The following SELENOO variants were observed in gnomAD, a reference collection of about 807,000 sequenced individuals.
SELENOO encodes the protein selenoprotein O.
SELENOO carries 74 observed loss-of-function variants against 58.7 expected under a neutral mutation model. The observed-to-expected ratio is 1.26, with a 90% CI of 1.04 to 1.53. The LOEUF (loss-of-function observed/expected upper bound fraction) is 1.53. Among genes scored for constraint, SELENOO ranks in the 40% most tolerant of loss-of-function variants. The pLI, the probability that SELENOO is intolerant of heterozygous loss-of-function variation, is 0.00. For synonymous variants in SELENOO, 543 were observed against 453.2 expected, an observed-to-expected ratio of 1.20 and a Z score of -2.52; for missense variants, 1,149 against 970.0, an observed-to-expected ratio of 1.18 and a Z score of -2.45.
chr22:50,207,997 A>C (rs563083026), intron 2 of SELENOO, among the ~76,000 whole-genome samples: 2 of 151,334 alleles, frequency 1.3e-5, no homozygotes, highest in South Asian at 2.1e-4. Flanking sequence ...CAGACTGTGC[A>C]GACAGGGCCT....
At position 50,211,938 on chromosome 22, in the gene SELENOO, G is replaced by A. The variant is rs368373209; in HGVS notation, c.1351+1027G>A. 1.4e-4 allele frequency among the ~76,000 whole-genome samples: 21 copies of A among 152,294 alleles called. No individual in the cohort carries two copies. The East Asian group carries it at 2.5e-3, about 18-fold the overall frequency. On this transcript the variant is annotated intron_variant, in intron 5 of 8. Transcript: ENST00000380903. ...GGCTGGTCTTGAACTCCCGACCTCA[G>A]GTGATCTGCCCACCTCAGCCGCCCA...
In SELENOO at chr22:50,210,500, C is replaced by G. The variant is rs2064361739; in HGVS notation, c.1071-131C>G. On this transcript the variant is annotated intron_variant, in intron 4 of 8. Transcript: ENST00000380903. ...TTGGCCAGGGGCTGGTGAGACAGGA[C>G]CCCTGTGGGACAGGGCCAGAGAGCC... 5 of 1,414,714 alleles carry G rather than the reference C, an allele frequency of 3.5e-6. No homozygotes were observed. In the South Asian group the frequency reaches 6.3e-5, roughly 18 times the overall value. The allele number at this position is 1,414,714 out of a possible 1,614,324, so 87.6% of individuals were successfully genotyped here. A position where few individuals can be genotyped will look rare whatever the true frequency, so the allele number is the denominator to read the frequency against.
intron 1 of SELENOO, 193 bp from the exon 2 acceptor site, chr22:50,206,124 G>A: frequency 3.3e-6 from 2 of 602,804 alleles, no homozygotes; most frequent in South Asian, 3.9e-5. Flanking sequence ...AACCTGCTGG[G>A]CTGTGAGGTT....
Position 50,216,752 on chromosome 22 carries a change from A to G in SELENOO, c.1564A>G (p.Thr522Ala). 2 of 1,607,516 alleles carry G rather than the reference A, an allele frequency of 1.2e-6. No homozygotes were observed. The highest frequency in any genetic ancestry group is 1.7e-6 in the Non-Finnish European group (2 of 1,179,312). ...CCCGCAGCTGTTCGCGCTTATGGGCACCCGGGCAGGCATCGCCAGGGAGCT... is the reference window on the plus strand; with the variant it reads ...CCCGCAGCTGTTCGCGCTTATGGGCGCCCGGGCAGGCATCGCCAGGGAGCT... ...SNPQLFALMG[T>A]RAGIARELER... The change falls in exon 7 of 9, where the codon ACC (threonine) becomes GCC (alanine). Residue 522 changes from threonine (T) to alanine (A), a missense_variant. Thr to Ala is a moderately conservative substitution (Grantham distance 58). Coordinates refer to ENST00000380903, the MANE Select transcript of SELENOO (RefSeq NM_031454.2).
At chr22:50,216,624 G>C (rs2064414316) in intron 6 of SELENOO, 67 bp from the exon 7 acceptor site, 2 of 1,437,318 alleles carry the variant, frequency 1.4e-6, no homozygotes, top group African/African-American at 2.8e-5. Flanking sequence ...GGGGCAGGCG[G>C]AGCAGCTGCC....
At chr22:50,208,492 T>A in intron 2 of SELENOO, 44 bp from the exon 3 acceptor site, 1 of 1,564,644 alleles carries the variant, frequency 6.4e-7, no homozygotes, top group Non-Finnish European at 8.7e-7. Context: ...CACAAGGGGC[T>A]GGGGTCAGGT....
chr22:50,217,235 C>A lies in SELENOO; in HGVS notation c.1876C>A (p.Pro626Thr), dbSNP rs772647319. 1.2e-6 allele frequency: 2 copies of A among 1,611,890 alleles called. No homozygotes were observed. The highest frequency in any genetic ancestry group is 1.7e-6 in the Non-Finnish European group (2 of 1,179,520). ...VRRVLKLLET[P>T]YHCEAGAATD... is the part of the protein sequence containing the mutation. ...GCGGGTGCTGAAACTACTGGAGACC[C>A]CTTACCACTGCGAGGCGGGGGCCGC... The change falls in exon 9 of 9, where the codon CCT becomes ACT. Residue 626 changes from proline (P) to threonine (T), a missense_variant. Coordinates refer to ENST00000380903, the MANE Select transcript of SELENOO (RefSeq NM_031454.2).
chr22:50,215,670 G>C (rs957619491), intron 5 of SELENOO, 47 bp from the exon 6 acceptor site: 1 of 1,508,106 alleles, frequency 6.6e-7, no homozygotes, highest in South Asian at 1.2e-5. Context: ...CCAGGACAGG[G>C]ACCCTGGGCC....
intron 1 of SELENOO, among the ~76,000 whole-genome samples, chr22:50,204,602 C>CA (rs2064320814): frequency 6.8e-6 from 1 of 146,408 alleles, no homozygotes; most frequent in African/African-American, 2.6e-5. Context: ...CCCTGGGTGA[C>CA]AGAGTGAGAC....
At position 50,217,187 on chromosome 22, in the gene SELENOO, AC is replaced by A. The variant is rs2064423880; in HGVS notation, c.1846-15del. On this transcript the variant is annotated splice_polypyrimidine_tract_variant and intron_variant, in intron 8 of 8. Transcript: ENST00000380903. The stretch of plus-strand genomic sequence containing the variant: ...GGGGGGTCGGCCCCAGACCCCTCTC[AC>A]CCTCCTGATCCTCCAGGTGCGGCGG... 1 of 1,611,402 alleles carries A rather than the reference AC, an allele frequency of 6.2e-7. No homozygotes were observed. Among genetic ancestry groups the A allele is most frequent in the South Asian group, 1.1e-5 (1 of 91,014 alleles).
At chr22:50,201,688 C>A in intron 1 of SELENOO, 98 bp downstream of exon 1, 2 of 869,454 alleles carry the variant, frequency 2.3e-6, no homozygotes, top group Non-Finnish European at 3.0e-6. Flanking sequence ...GCGGCTACTG[C>A]CAAGTGGGGC....
Position 50,208,576 on chromosome 22 carries a change from A to G in SELENOO, c.799A>G (p.Thr267Ala), listed in dbSNP as rs765693822. ...FEIFKSADEHTGRAGPSVGRN... is the reference protein window; with the variant it reads ...FEIFKSADEHAGRAGPSVGRN... ...GATTTTTAAGTCTGCAGATGAGCAC[A>G]CAGGGCGTGCAGGCCCCAGCGTGGG... The change falls in exon 3 of 9, where the codon ACA (threonine) becomes GCA (alanine). Residue 267 changes from threonine to alanine, a missense_variant. Physicochemically the swap from Thr to Ala is moderately conservative, Grantham distance 58. Transcript: ENST00000380903. 5.0e-6 allele frequency: 8 copies of G among 1,613,806 alleles called. No individual in the cohort carries two copies. The highest frequency in any genetic ancestry group is 6.8e-6 in the Non-Finnish European group (8 of 1,179,986).
chr22:50,210,497 G>C (rs2064361725), intron 4 of SELENOO, 134 bp from the exon 5 acceptor site: 1 of 1,402,746 alleles, frequency 7.1e-7, no homozygotes, highest in African/African-American at 1.4e-5. Context: ...TGGTGAGACA[G>C]GACCCCTGTG....
intron 2 of SELENOO, among the ~76,000 whole-genome samples, chr22:50,208,041 A>T (rs890850357): frequency 1.3e-5 from 2 of 151,250 alleles, no homozygotes; most frequent in Non-Finnish European, 2.9e-5. Context: ...AACGTGGAAT[A>T]TGTCTGTGTG....
At position 50,217,355 on chromosome 22, in the gene SELENOO, A is replaced by ACATG. The variant is rs746093497; in HGVS notation, c.1997_2000dup (p.Sec667CysfsTer24). The ACATG allele has an allele frequency of 1.4e-5, 23 of 1,612,768 alleles. No homozygotes were observed. In the South Asian group the frequency reaches 2.5e-4, roughly 18 times the overall value. ...GCTCTGGGCAGCAGAACTGTGCGTG[A>ACATG]CATGATCTTCGTAACGGCCTCGGCA... is the stretch of plus-strand genomic sequence containing the variant. On this transcript the variant is annotated frameshift_variant, in exon 9 of 9. Transcript: ENST00000380903. LOFTEE classifies it high-confidence loss of function.
intron 1 of SELENOO, chr22:50,206,056 G>C (rs2064330887): frequency 2.0e-5 from 11 of 553,758 alleles, no homozygotes; most frequent in Non-Finnish European, 2.9e-5. Context: ...CTCGTTCTGG[G>C]CAGGAAGACG....
chr22:50,208,506 G>C (rs750774932), intron 2 of SELENOO, 30 bp from the exon 3 acceptor site: 2 of 1,604,048 alleles, frequency 1.2e-6, no homozygotes, highest in African/African-American at 2.7e-5. Flanking sequence ...GTCAGGTTTG[G>C]GCTGTTGACG....
chr22:50,210,698 G>C lies in SELENOO; in HGVS notation c.1138G>C (p.Glu380Gln), dbSNP rs750808619. ...CCGCTACGCGTACAGCAAGCAGCCCGAGGTGTGCAGGTGGAACCTGCGGAA... is the reference window on the plus strand; with the variant it reads ...CCGCTACGCGTACAGCAAGCAGCCCCAGGTGTGCAGGTGGAACCTGCGGAA... The part of the protein sequence containing the change: ...TGRYAYSKQP[E>Q]VCRWNLRKLA... The change falls in exon 5 of 9, where the codon GAG (glutamate) becomes CAG (glutamine). Residue 380 changes from glutamate (E) to glutamine (Q), a missense_variant. Physicochemically the swap from Glu to Gln is conservative, Grantham distance 29. Transcript: ENST00000380903. 3 of 1,613,284 alleles carry C rather than the reference G, an allele frequency of 1.9e-6. No individual in the cohort carries two copies. Among genetic ancestry groups the C allele is most frequent in the Non-Finnish European group, 2.5e-6 (3 of 1,180,022 alleles).
In SELENOO at chr22:50,208,524, T is replaced by G; in HGVS notation, c.759-12T>G. On this transcript the variant is annotated splice_polypyrimidine_tract_variant and intron_variant, in intron 2 of 8. Transcript: ENST00000380903. ...AGGTTTGGGCTGTTGACGCCTCGGGTCTTCCCTCCAGGTTTGGATCCTTTG... is the reference window on the plus strand; with the variant it reads ...AGGTTTGGGCTGTTGACGCCTCGGGGCTTCCCTCCAGGTTTGGATCCTTTG... 6.2e-7 allele frequency: 1 copy of G among 1,608,758 alleles called. No homozygotes were observed. Among genetic ancestry groups the G allele is most frequent in the Non-Finnish European group, 8.5e-7 (1 of 1,176,412 alleles).
Sources: allele counts gnomAD v4.1 joint callset (sites outside exome capture counted in the v4.1 genomes callset), GRCh38; gene constraint gnomAD v4.1.1; transcripts MANE v1.5; gene names NCBI Gene and HGNC (gene_info 2026-07-23, HGNC 2026-07-21).